Variants in KCNB2 observed in about 807,000 individuals in gnomAD.
KCNB2 encodes potassium voltage-gated channel subfamily B member 2.
Under a neutral mutation model 61.5 loss-of-function variants are expected in KCNB2, and 15 were observed. The observed-to-expected ratio is 0.24, with a 90% confidence interval of 0.16 to 0.38. The LOEUF is 0.38. Among genes scored for constraint, KCNB2 ranks in the 10% least tolerant of loss-of-function variants. KCNB2 has a pLI of 1.00. For missense variants in KCNB2, 828 were observed against 1,125.2 expected (o/e 0.74, Z 3.78); for synonymous variants, 457 against 446.0 (o/e 1.02, Z -0.31).
chr8:72,798,750 G>C (rs1236960764), intron 2 of KCNB2, among the ~76,000 whole-genome samples: 6 of 152,108 alleles, frequency 3.9e-5, no homozygotes, highest in African/African-American at 1.4e-4. Flanking sequence ...TAATGGTAGA[G>C]ACAGTCTACC....
At chr8:72,640,662 A>G (rs1806040047) in intron 2 of KCNB2, among the ~76,000 whole-genome samples, 1 of 152,112 alleles carries the variant, frequency 6.6e-6, no homozygotes, top group African/African-American at 2.4e-5. Flanking sequence ...GACTATAAGA[A>G]AGTCTGCAAA....
chr8:72,596,526 C>T (rs1243642461), intron 2 of KCNB2, among the ~76,000 whole-genome samples: 4 of 152,152 alleles, frequency 2.6e-5, no homozygotes, highest in South Asian at 4.1e-4. Flanking sequence ...GCACTTGACA[C>T]GTATGAAACA....
At chr8:72,662,072 C>T (rs1345353892) in intron 2 of KCNB2, among the ~76,000 whole-genome samples, 4 of 152,178 alleles carry the variant, frequency 2.6e-5, no homozygotes, top group East Asian at 1.9e-4. Context: ...GCATCCAGTT[C>T]TTCATCCTGC....
intron 2 of KCNB2, among the ~76,000 whole-genome samples, chr8:72,812,025 G>C (rs956825903): frequency 1.3e-5 from 2 of 152,188 alleles, no homozygotes; most frequent in Non-Finnish European, 2.9e-5. Context: ...ACTTTGGGAG[G>C]GCAAGGTGGG....
Position 72,599,237 on chromosome 8 carries a change from C to G in KCNB2, c.579+30924C>G, listed in dbSNP as rs374357007. 5.8e-3 allele frequency among the ~76,000 whole-genome samples: 886 copies of G among 152,116 alleles called. 6 individuals are homozygous for G. Among genetic ancestry groups the G allele is most frequent in the Non-Finnish European group, 9.3e-3 (635 of 67,960 alleles). ...CAGTAACCAAAACAGCATGGTACTG[C>G]TACCAAAACAGAGATATAGACCAAT... On this transcript the variant is annotated intron_variant, in intron 2 of 2. Transcript: ENST00000523207.
chr8:72,772,454 TG>T (rs1263396184), intron 2 of KCNB2, among the ~76,000 whole-genome samples: 2 of 152,162 alleles, frequency 1.3e-5, no homozygotes, highest in Admixed American at 6.5e-5. Flanking sequence ...TGAGAACCAC[TG>T]GGTTAAGGGG....
intron 2 of KCNB2, among the ~76,000 whole-genome samples, chr8:72,722,448 G>A (rs949948297): frequency 6.6e-6 from 1 of 152,150 alleles, no homozygotes; most frequent in African/African-American, 2.4e-5. Flanking sequence ...CCTGGGATAT[G>A]TAGTGCTCCC....
intron 1 of KCNB2, among the ~76,000 whole-genome samples, chr8:72,541,967 T>C (rs1806194891): frequency 6.6e-6 from 1 of 152,074 alleles, no homozygotes; most frequent in Non-Finnish European, 1.5e-5. Flanking sequence ...CCCATTTTTT[T>C]CCCTGTGAAA....
At chr8:72,758,740 G>C (rs1808333015) in intron 2 of KCNB2, among the ~76,000 whole-genome samples, 1 of 152,160 alleles carries the variant, frequency 6.6e-6, no homozygotes, top group Admixed American at 6.5e-5. Context: ...TTTGCAGTGA[G>C]TACCTAATGC....
At chr8:72,902,959 A>G (rs1490079033) in intron 2 of KCNB2, among the ~76,000 whole-genome samples, 1 of 152,188 alleles carries the variant, frequency 6.6e-6, no homozygotes, top group Non-Finnish European at 1.5e-5. Context: ...ACCTTATTCA[A>G]AGCTCTTACT....
At chr8:72,574,026 A>G (rs1313547968) in intron 2 of KCNB2, among the ~76,000 whole-genome samples, 1 of 152,226 alleles carries the variant, frequency 6.6e-6, no homozygotes, top group Non-Finnish European at 1.5e-5. Flanking sequence ...AACTTGGCCA[A>G]TCTGCAGAGG....
chr8:72,904,324 A>T (rs1229183217), intron 2 of KCNB2, among the ~76,000 whole-genome samples: 2 of 152,112 alleles, frequency 1.3e-5, no homozygotes, highest in Admixed American at 1.3e-4. Context: ...TTTCCTCTGC[A>T]CTTTGAAACA....
chr8:72,568,823 T>TTTA (rs1806666876), intron 2 of KCNB2, among the ~76,000 whole-genome samples: 1 of 152,134 alleles, frequency 6.6e-6, no homozygotes, highest in African/African-American at 2.4e-5. Context: ...AAGGGACTGT[T>TTTA]TTATTAAGCT....
intron 2 of KCNB2, among the ~76,000 whole-genome samples, chr8:72,626,338 C>A (rs777593342): frequency 6.6e-6 from 1 of 152,170 alleles, no homozygotes; most frequent in Non-Finnish European, 1.5e-5. Context: ...ATTTGGGAAA[C>A]CACAAATCTA....
intron 2 of KCNB2, among the ~76,000 whole-genome samples, chr8:72,900,460 CA>C (rs1806069118): frequency 1.3e-5 from 2 of 152,084 alleles, no homozygotes; most frequent in Admixed American, 6.6e-5. Flanking sequence ...GCTAAGTCCC[CA>C]AAAGCAATTG....
intron 2 of KCNB2, among the ~76,000 whole-genome samples, chr8:72,708,681 C>A (rs1242535746): frequency 6.6e-6 from 1 of 152,184 alleles, no homozygotes; most frequent in South Asian, 2.1e-4. Flanking sequence ...GCCTGTTCCT[C>A]ACTCCCCTCA....
At chr8:72,826,295 A>C (rs557337461) in intron 2 of KCNB2, among the ~76,000 whole-genome samples, 14 of 152,358 alleles carry the variant, frequency 9.2e-5, no homozygotes, top group Non-Finnish European at 1.9e-4. Context: ...GATTATCAAC[A>C]GTCTTCCCGT....
At chr8:72,760,414 T>A (rs1808358147) in intron 2 of KCNB2, among the ~76,000 whole-genome samples, 1 of 152,184 alleles carries the variant, frequency 6.6e-6, no homozygotes, top group Non-Finnish European at 1.5e-5. Flanking sequence ...TGTAGGCCAG[T>A]ACTGAAGTCC....
chr8:72,706,267 G>A (rs1807221854), intron 2 of KCNB2, among the ~76,000 whole-genome samples: 1 of 152,142 alleles, frequency 6.6e-6, no homozygotes, highest in Non-Finnish European at 1.5e-5. Context: ...AAAAATAATT[G>A]CTACAAATAA....
Sources: gnomAD v4.1 joint callset for allele counts (sites outside exome capture counted in the v4.1 genomes callset) on GRCh38, gnomAD v4.1.1 for gene constraint, MANE v1.5 for transcripts, NCBI Gene and HGNC (gene_info 2026-07-23, HGNC 2026-07-21) for gene names.